The following ANO4 variants were observed in gnomAD, a reference collection of about 807,000 sequenced individuals.
The protein encoded by ANO4 is anoctamin-4.
In ANO4, 69 loss-of-function variants were observed where a neutral mutation model predicts 141.9. The ratio of observed to expected loss-of-function variants is 0.49; its 90% CI spans 0.40 to 0.59. The LOEUF (loss-of-function observed/expected upper bound fraction) is 0.59, where lower values mean the gene tolerates loss of function less well. ANO4 is among the 20% of genes least tolerant of loss of function. The probability of loss-of-function intolerance (pLI) is 0.00; values close to 1 mark genes in which losing one functional copy is unlikely to be tolerated. For synonymous variants in ANO4, 350 were observed against 394.3 expected (o/e 0.89, Z 1.33); for missense variants, 894 against 1,162.2 (o/e 0.77, Z 3.36).
At chr12:100,828,001 A>G (rs953724664) in intron 1 of ANO4, among the ~76,000 whole-genome samples, 6 of 152,002 alleles carry the variant, frequency 3.9e-5, no homozygotes, top group African/African-American at 1.2e-4. Context: ...GGTAAGTTAT[A>G]TCTAGAGTCT....
At chr12:100,757,384 T>C (rs1028693001) in intron 3 of ANO4, among the ~76,000 whole-genome samples, 2 of 152,230 alleles carry the variant, frequency 1.3e-5, no homozygotes, top group African/African-American at 4.8e-5. Flanking sequence ...TAAAACTTTT[T>C]AGTTGTTCCC....
chr12:100,840,926 T>C (rs2037211395), intron 1 of ANO4, among the ~76,000 whole-genome samples: 1 of 152,158 alleles, frequency 6.6e-6, no homozygotes, highest in African/African-American at 2.4e-5. Flanking sequence ...TACCAGATCA[T>C]GTTGTTTTTG....
chr12:101,116,617 A>G, intron 24 of ANO4, 62 bp from the exon 25 acceptor site: 1 of 1,611,018 alleles, frequency 6.2e-7, no homozygotes, highest in South Asian at 1.1e-5. Context: ...CAGGGTCTTC[A>G]GGGAACTGGA....
At chr12:101,066,892 C>T (rs1407402434) in intron 14 of ANO4, 2 of 908,062 alleles carry the variant, frequency 2.2e-6, no homozygotes, top group Non-Finnish European at 3.7e-6. Flanking sequence ...ACACAAAGAC[C>T]ACACTGCCCA....
intron 6 of ANO4, among the ~76,000 whole-genome samples, chr12:100,972,447 A>G (rs2043972746): frequency 6.6e-6 from 1 of 152,230 alleles, no homozygotes; most frequent in African/African-American, 2.4e-5. Flanking sequence ...AATAGAGGCT[A>G]TGATTTCTAG....
intron 22 of ANO4, among the ~76,000 whole-genome samples, chr12:101,108,857 A>G (rs181249521): frequency 3.4e-4 from 52 of 152,302 alleles, no homozygotes; most frequent in Admixed American, 3.3e-3. Flanking sequence ...AACATCTTAC[A>G]TATTTATTAA....
chr12:100,865,544 CAT>C (rs1306587163), intron 1 of ANO4, among the ~76,000 whole-genome samples: 1 of 152,062 alleles, frequency 6.6e-6, no homozygotes, highest in Admixed American at 6.5e-5. Context: ...GGCCAACAAA[CAT>C]ATGAAAAAAA....
chr12:100,742,228 A>G (rs747942180), intron 3 of ANO4, among the ~76,000 whole-genome samples: 13 of 152,152 alleles, frequency 8.5e-5, no homozygotes, highest in Non-Finnish European at 1.5e-4. Flanking sequence ...ATGCTGGTAT[A>G]GTTTTTGTAA....
chr12:100,746,760 G>A (rs1355920324), intron 3 of ANO4, among the ~76,000 whole-genome samples: 1 of 152,120 alleles, frequency 6.6e-6, no homozygotes, highest in Non-Finnish European at 1.5e-5. Context: ...GGTGTTTCTT[G>A]TCCTGTGTGT....
At chr12:100,803,520 AT>A (rs1195492993) in intron 1 of ANO4, among the ~76,000 whole-genome samples, 1 of 152,208 alleles carries the variant, frequency 6.6e-6, no homozygotes, top group African/African-American at 2.4e-5. Flanking sequence ...GGGATCTTTA[AT>A]TCAGCATCAA....
At chr12:101,015,139 T>G (rs183916606) in intron 8 of ANO4, among the ~76,000 whole-genome samples, 1 of 152,064 alleles carries the variant, frequency 6.6e-6, no homozygotes, top group African/African-American at 2.4e-5. Flanking sequence ...TGCAGTTTTT[T>G]AAAAAATGTG....
intron 22 of ANO4, among the ~76,000 whole-genome samples, chr12:101,108,134 T>C (rs1384038060): frequency 6.6e-6 from 1 of 152,074 alleles, no homozygotes; most frequent in Non-Finnish European, 1.5e-5. Context: ...GGGTTAGCGA[T>C]AGAGAATTGA....
chr12:100,942,272 C>A, intron 4 of ANO4, 105 bp from the exon 5 acceptor site: 2 of 1,355,724 alleles, frequency 1.5e-6, no homozygotes, highest in Non-Finnish European at 2.0e-6. Flanking sequence ...AGCCACCGCA[C>A]CCGAACTGAA....
At chr12:100,907,639 T>C (rs1344331188) in intron 2 of ANO4, among the ~76,000 whole-genome samples, 1 of 152,240 alleles carries the variant, frequency 6.6e-6, no homozygotes, top group Non-Finnish European at 1.5e-5. Flanking sequence ...TCAGCAGATA[T>C]AGGTTAGCAT....
chr12:101,001,067 A>G (rs901830599), intron 8 of ANO4, among the ~76,000 whole-genome samples: 9 of 152,134 alleles, frequency 5.9e-5, no homozygotes, highest in Non-Finnish European at 1.5e-5. Flanking sequence ...GTGTGCATGT[A>G]TATTTTTATT....
At chr12:100,850,007 T>A (rs192097742) in intron 1 of ANO4, among the ~76,000 whole-genome samples, 82 of 152,258 alleles carry the variant, frequency 5.4e-4, no homozygotes, top group African/African-American at 1.9e-3. Flanking sequence ...TTGAGATGAG[T>A]TGAAAGTATT....
chr12:100,813,487 C>T (rs2135712190), intron 1 of ANO4, among the ~76,000 whole-genome samples: 1 of 152,254 alleles, frequency 6.6e-6, no homozygotes, highest in East Asian at 1.9e-4. Flanking sequence ...CCTTCTTATC[C>T]ATCTCAGATC....
At chr12:101,089,227 GAACTT>G (rs2049640199) in intron 17 of ANO4, among the ~76,000 whole-genome samples, 1 of 151,930 alleles carries the variant, frequency 6.6e-6, no homozygotes, top group South Asian at 2.1e-4. Context: ...CAATAACAAA[GAACTT>G]AATTTATGAT....
At chr12:100,935,462 G>A (rs959622993) in intron 3 of ANO4, among the ~76,000 whole-genome samples, 3 of 152,102 alleles carry the variant, frequency 2.0e-5, no homozygotes, top group Non-Finnish European at 4.4e-5. Context: ...GGACTTCTCA[G>A]AGTATTTGAC....
Sources: allele counts gnomAD v4.1 joint callset (sites outside exome capture counted in the v4.1 genomes callset), GRCh38; gene constraint gnomAD v4.1.1; transcripts MANE v1.5; gene names NCBI Gene and HGNC (gene_info 2026-07-23, HGNC 2026-07-21).